Variants in FSIP2 observed in about 807,000 individuals in gnomAD.
FSIP2 encodes fibrous sheath interacting protein 2.
FSIP2 carries 367 observed loss-of-function variants against 510.5 expected under a neutral mutation model. The ratio of observed to expected loss-of-function variants is 0.72; its 90% CI spans 0.66 to 0.78. The LOEUF (loss-of-function observed/expected upper bound fraction) is 0.78. Among genes scored for constraint, FSIP2 ranks in the 30% least tolerant of loss-of-function variants. FSIP2 has a pLI of 0.00. For synonymous variants in FSIP2, 2,601 were observed against 2,732.2 expected (o/e 0.95, Z 1.50); for missense variants, 7,594 against 7,901.7 (o/e 0.96, Z 1.48).
chr2:185,746,821 A>G lies in FSIP2; in HGVS notation c.759+11A>G. The G allele has an allele frequency of 6.7e-7, 1 of 1,489,984 alleles. No homozygotes were observed. The highest frequency in any genetic ancestry group is 1.4e-5 in the African/African-American group (1 of 70,462). 92.3% of individuals were successfully genotyped at this position (1,489,984 alleles called of 1,614,324 possible). On this transcript the variant is annotated intron_variant, in intron 6 of 22. Coordinates refer to ENST00000424728, the MANE Select transcript of FSIP2 (RefSeq NM_173651.4). Reference sequence around the variant, plus strand: ...AGAAAAATAGAAGAGGTGAGAGACAACAACTTTAAAATATTAACAGAAAAA... The same window carrying G: ...AGAAAAATAGAAGAGGTGAGAGACAGCAACTTTAAAATATTAACAGAAAAA...
intron 19 of FSIP2, among the ~76,000 whole-genome samples, chr2:185,819,624 TG>T (rs35926864): frequency 0.31 from 47,597 of 151,700 alleles, 7,772 homozygotes; most frequent in Middle Eastern, 0.4. Flanking sequence ...TGCAGCTTAA[TG>T]AAAATTTGAC....
At chr2:185,775,340 G>A (rs1240511621) in intron 13 of FSIP2, among the ~76,000 whole-genome samples, 1 of 150,980 alleles carries the variant, frequency 6.6e-6, no homozygotes. Context: ...CAGTGATGGT[G>A]AGCATTTTTT....
At chr2:185,744,467 AT>A in intron 4 of FSIP2, 56 bp downstream of exon 4, 1 of 379,304 alleles carries the variant, frequency 2.6e-6, no homozygotes, top group East Asian at 4.5e-5. Flanking sequence ...GAAATGCTTG[AT>A]TATATGTAGA....
At position 185,800,496 on chromosome 2, in the gene FSIP2, G is replaced by A. The variant is rs200013269; in HGVS notation, c.11190G>A (p.Ser3730=). 19 of 1,532,972 alleles carry A rather than the reference G, an allele frequency of 1.2e-5. No individual in the cohort carries two copies. Among genetic ancestry groups the A allele is most frequent in the East Asian group, 1.2e-4 (5 of 40,826 alleles). 95.0% of individuals were successfully genotyped at this position (1,532,972 alleles called of 1,614,324 possible). The change falls in exon 17 of 23, where the codon TCG becomes TCA. Residue 3730 remains serine (S), a synonymous_variant. Transcript: ENST00000424728. ...TACAAAGAACATATTTCTACTCCTC[G>A]AATAATGAGCAACCTAATAGCATAC... ...GKIQRTYFYS[S]NNEQPNSILT... is the part of the protein sequence containing the mutation.
intron 7 of FSIP2, among the ~76,000 whole-genome samples, chr2:185,752,916 A>T (rs1341007319): frequency 6.6e-6 from 1 of 151,386 alleles, no homozygotes; most frequent in Non-Finnish European, 1.5e-5. Flanking sequence ...TATAAATATT[A>T]TTTAGCTTTT....
Position 185,813,446 on chromosome 2 carries a change from C to A in FSIP2, c.19828-99C>A, listed in dbSNP as rs992561354. 1.9e-5 allele frequency: 12 copies of A among 639,856 alleles called. No individual in the cohort carries two copies. In the African/African-American group the frequency reaches 2.1e-4, roughly 11 times the overall value. 39.6% of individuals were successfully genotyped at this position (639,856 alleles called of 1,614,324 possible). ...TGATATTTGAAGATATTACTTAAAT[C>A]AAAACTAGAAATTATAAGAAAATAG... is the stretch of plus-strand genomic sequence containing the variant. On this transcript the variant is annotated intron_variant, in intron 17 of 22. Transcript: ENST00000424728.
chr2:185,802,962 G>A lies in FSIP2; in HGVS notation c.13656G>A (p.Val4552=), dbSNP rs1191975110. 1.3e-6 allele frequency: 2 copies of A among 1,528,592 alleles called. No homozygotes were observed. Among genetic ancestry groups the A allele is most frequent in the Non-Finnish European group, 1.7e-6 (2 of 1,143,406 alleles). The allele number at this position is 1,528,592 out of a possible 1,614,324, so 94.7% of individuals were successfully genotyped here. Residue 4552 remains valine (V), a synonymous_variant, in exon 17 of 23, where the codon GTG becomes GTA. Transcript: ENST00000424728. ...HLVDSVFANV[V]QTSGSQESAV... Reference sequence around the variant, plus strand: ...TTGATTCAGTATTTGCAAATGTTGTGCAAACCTCTGGTTCTCAAGAATCAG... The same window carrying A: ...TTGATTCAGTATTTGCAAATGTTGTACAAACCTCTGGTTCTCAAGAATCAG...
chr2:185,818,525 TAATC>T (rs1435836460), intron 19 of FSIP2, among the ~76,000 whole-genome samples: 3 of 151,944 alleles, frequency 2.0e-5, no homozygotes, highest in East Asian at 3.9e-4. Flanking sequence ...AGACACATAA[TAATC>T]AAACTGTCAG....
chr2:185,808,757 A>C lies in FSIP2; in HGVS notation c.19451A>C (p.Asp6484Ala). ...ISNADLSGEL[D>A]VNRIVQKAQE... ...AATGCTGATCTCTCTGGAGAGCTAG[A>C]CGTTAATAGAATTGTTCAAAAGGCC... The change falls in exon 17 of 23, where the codon GAC (aspartate) becomes GCC (alanine). Residue 6484 changes from aspartate to alanine, a missense_variant. Coordinates refer to ENST00000424728, the MANE Select transcript of FSIP2 (RefSeq NM_173651.4). 1 of 1,612,724 alleles carries C rather than the reference A, an allele frequency of 6.2e-7. No individual in the cohort carries two copies.
At chr2:185,830,032 T>C (rs1279940932) in intron 21 of FSIP2, among the ~76,000 whole-genome samples, 1 of 151,850 alleles carries the variant, frequency 6.6e-6, no homozygotes, top group Non-Finnish European at 1.5e-5. Context: ...TACTGAACAC[T>C]ACAAAAATTT....
At position 185,789,236 on chromosome 2, in the gene FSIP2, G is replaced by C; in HGVS notation, c.2100G>C (p.Leu700Phe). The C allele has an allele frequency of 2.0e-6, 3 of 1,534,398 alleles. No individual in the cohort carries two copies. Among genetic ancestry groups the C allele is most frequent in the Non-Finnish European group, 2.6e-6 (3 of 1,145,752 alleles). The change falls in exon 16 of 23, where the codon TTG becomes TTC. Residue 700 changes from leucine (L) to phenylalanine (F), a missense_variant. Transcript: ENST00000424728. ...TTTTTGTTAACTTTAAATGTTACTT[G>C]AAAGGGGAAACTGAAGTGATTTTAG... ...KNVFVNFKCY[L>F]KGETEVILES...
Position 185,796,949 on chromosome 2 carries a change from A to C in FSIP2, c.9813A>C (p.Gln3271His). Residue 3271 changes from glutamine (Q) to histidine (H), a missense_variant, in exon 16 of 23, where the codon CAA becomes CAC. Gln to His is a conservative substitution (Grantham distance 24). Coordinates refer to ENST00000424728, the MANE Select transcript of FSIP2 (RefSeq NM_173651.4). ...ACCTCCCTGAAGGCAGTTTCTTACA[A>C]AAGCTGCTTAGGAAAGCAAGTGACT... ...NSYLPEGSFL[Q>H]KLLRKASDST... is the part of the protein sequence containing the mutation. 4 of 1,534,906 alleles carry C rather than the reference A, an allele frequency of 2.6e-6. No homozygotes were observed. Among genetic ancestry groups the C allele is most frequent in the Non-Finnish European group, 3.5e-6 (4 of 1,146,214 alleles).
At position 185,800,833 on chromosome 2, in the gene FSIP2, A is replaced by G. The variant is rs764403028; in HGVS notation, c.11527A>G (p.Ile3843Val). 30 of 1,534,306 alleles carry G rather than the reference A, an allele frequency of 2.0e-5. No individual in the cohort carries two copies. Among genetic ancestry groups the G allele is most frequent in the Non-Finnish European group, 2.5e-5 (29 of 1,145,650 alleles). ...LLTSDSMLTIISHSLVKSLMD... is the reference protein window; with the variant it reads ...LLTSDSMLTIVSHSLVKSLMD... ...GACATCAGACTCTATGCTTACTATT[A>G]TTTCCCACAGCTTGGTTAAATCATT... The change falls in exon 17 of 23, where the codon ATT (isoleucine) becomes GTT (valine). Residue 3843 changes from isoleucine to valine, a missense_variant. By Grantham distance (29) the Ile-to-Val change is conservative. Transcript: ENST00000424728.
In FSIP2 at chr2:185,796,045, C is replaced by T. The variant is rs188160736; in HGVS notation, c.8909C>T (p.Pro2970Leu). ...FPNKHSLSSL[P>L]IYNTKTKDQI... ...AACAAGCATAGCCTCAGCAGTTTAC[C>T]AATCTATAACACAAAGACAAAAGAC... The change falls in exon 16 of 23, where the codon CCA (proline) becomes CTA (leucine). Residue 2970 changes from proline to leucine, a missense_variant. Physicochemically the swap from Pro to Leu is moderately conservative, Grantham distance 98 (BLOSUM62 -3). Coordinates refer to ENST00000424728, the MANE Select transcript of FSIP2 (RefSeq NM_173651.4). 2.4e-4 allele frequency: 368 copies of T among 1,531,620 alleles called. 2 individuals carry two copies. The East Asian group carries it at 8.4e-3, about 35-fold the overall frequency. 94.9% of individuals were successfully genotyped at this position (1,531,620 alleles called of 1,614,324 possible). A position where few individuals can be genotyped will look rare whatever the true frequency, so the allele number is the denominator to read the frequency against.
rs916302150 is a variant in FSIP2 at position 185,800,535 on chromosome 2, A to G, written c.11229A>G (p.Leu3743=). Reference sequence around the variant, plus strand: ...CTAATAGCATACTTACCAATAACCTACAGCTCTCCTCAAAATCAGTTTTTC... The same window carrying G: ...CTAATAGCATACTTACCAATAACCTGCAGCTCTCCTCAAAATCAGTTTTTC... ...EQPNSILTNN[L]QLSSKSVFLL... The change falls in exon 17 of 23, where the codon CTA becomes CTG. Residue 3743 remains leucine (L), a synonymous_variant. Transcript: ENST00000424728. 1 of 1,529,736 alleles carries G rather than the reference A, an allele frequency of 6.5e-7. No individual in the cohort carries two copies. 94.8% of individuals were successfully genotyped at this position (1,529,736 alleles called of 1,614,324 possible).
chr2:185,746,788 C>G lies in FSIP2; in HGVS notation c.737C>G (p.Thr246Ser). 6.6e-7 allele frequency: 1 copy of G among 1,518,708 alleles called. No individual in the cohort carries two copies. Among genetic ancestry groups the G allele is most frequent in the Non-Finnish European group, 8.8e-7 (1 of 1,141,080 alleles). The allele number at this position is 1,518,708 out of a possible 1,614,324, so 94.1% of individuals were successfully genotyped here. Residue 246 changes from threonine to serine, a missense_variant, in exon 6 of 23, where the codon ACT (threonine) becomes AGT (serine). Physicochemically the swap from Thr to Ser is moderately conservative, Grantham distance 58 (BLOSUM62 1). Transcript: ENST00000424728. ...CGGGAACACACAAGAAGAAAACTTA[C>G]TCTTCGTAGAAAAATAGAAGAGGTG... Reference protein sequence around the residue: ...RQREHTRRKLTLRRKIEEEWK... With the variant: ...RQREHTRRKLSLRRKIEEEWK...
chr2:185,816,606 G>A (rs1693830171), intron 19 of FSIP2, among the ~76,000 whole-genome samples: 1 of 151,882 alleles, frequency 6.6e-6, no homozygotes. Flanking sequence ...GGGAGGCAGA[G>A]GCATGAAGAT....
chr2:185,829,150 T>C (rs1327775207), intron 21 of FSIP2, among the ~76,000 whole-genome samples: 1 of 151,884 alleles, frequency 6.6e-6, no homozygotes, highest in African/African-American at 2.4e-5. Context: ...ACTCAGTGTG[T>C]CAAGTGGAAT....
At position 185,761,039 on chromosome 2, in the gene FSIP2, C is replaced by T. The variant is rs1409500163; in HGVS notation, c.1130C>T (p.Thr377Met). The change falls in exon 10 of 23, where the codon ACG (threonine) becomes ATG (methionine). Residue 377 changes from threonine (T) to methionine (M), a missense_variant. By Grantham distance (81) the Thr-to-Met change is moderately conservative (BLOSUM62 -1). Coordinates refer to ENST00000424728, the MANE Select transcript of FSIP2 (RefSeq NM_173651.4). ...HQRQNSSNNF[T>M]KKNSASVVYQ... ...CGTCAAAATAGTTCAAATAATTTTACGAAAAAAAACTCAGCTTCTGTTGTT... is the reference window on the plus strand; with the variant it reads ...CGTCAAAATAGTTCAAATAATTTTATGAAAAAAAACTCAGCTTCTGTTGTT... The T allele has an allele frequency of 1.9e-5, 28 of 1,506,392 alleles. No individual in the cohort carries two copies. Among genetic ancestry groups the T allele is most frequent in the Admixed American group, 4.0e-5 (2 of 49,866 alleles). The allele number at this position is 1,506,392 out of a possible 1,614,324, so 93.3% of individuals were successfully genotyped here.
Sources: gnomAD v4.1 joint callset for allele counts (sites outside exome capture counted in the v4.1 genomes callset) on GRCh38, gnomAD v4.1.1 for gene constraint, MANE v1.5 for transcripts, NCBI Gene and HGNC (gene_info 2026-07-23, HGNC 2026-07-21) for gene names.